The following GRIA4 variants were observed in gnomAD, a reference collection of about 807,000 sequenced individuals.
The protein encoded by GRIA4 is glutamate receptor 4.
GRIA4 carries 34 observed loss-of-function variants against 104.0 expected under a neutral mutation model. The observed-to-expected ratio is 0.33, with a 90% confidence interval of 0.25 to 0.44. GRIA4 has a LOEUF of 0.44. Ranked by LOEUF, GRIA4 falls within the 20% of genes least tolerant of loss-of-function variation. The probability of loss-of-function intolerance (pLI) is 1.00; values close to 1 mark genes in which losing one functional copy is unlikely to be tolerated. For synonymous variants in GRIA4, 386 were observed against 381.9 expected, an observed-to-expected ratio of 1.01 and a Z score of -0.13; for missense variants, 750 against 1,096.5, an observed-to-expected ratio of 0.68 and a Z score of 4.46.
At chr11:105,827,586 C>T (rs946201584) in intron 4 of GRIA4, among the ~76,000 whole-genome samples, 1 of 151,594 alleles carries the variant, frequency 6.6e-6, no homozygotes, top group African/African-American at 2.4e-5. Context: ...CTGGTACCAC[C>T]GTCATTCATA....
At chr11:105,854,437 C>G (rs1341470466) in intron 4 of GRIA4, among the ~76,000 whole-genome samples, 1 of 152,104 alleles carries the variant, frequency 6.6e-6, no homozygotes, top group African/African-American at 2.4e-5. Flanking sequence ...TGTTTGAGAG[C>G]AAGAGAGCAG....
chr11:105,924,717 C>T lies in GRIA4; in HGVS notation c.1795C>T (p.Leu599Phe). The change falls in exon 12 of 17, where the codon CTC becomes TTC. Residue 599 changes from leucine (L) to phenylalanine (F), a missense_variant. By Grantham distance (22) the Leu-to-Phe change is conservative. This residue lies in a region of GRIA4 where 272 missense variants were observed against 524.5 expected (regional missense o/e 0.52). Coordinates refer to ENST00000282499, the MANE Select transcript of GRIA4 (RefSeq NM_000829.4). ...PPNEFGIFNS[L>F]WFSLGAFMQQ... ...CAATGAGTTTGGCATCTTTAACAGCCTCTGGTTTTCCCTGGGTGCTTTTAT... is the reference window on the plus strand; with the variant it reads ...CAATGAGTTTGGCATCTTTAACAGCTTCTGGTTTTCCCTGGGTGCTTTTAT... The T allele has an allele frequency of 1.2e-6, 2 of 1,612,108 alleles. No individual in the cohort carries two copies. Among genetic ancestry groups the T allele is most frequent in the Non-Finnish European group, 1.7e-6 (2 of 1,178,640 alleles).
At chr11:105,810,078 C>T (rs1285109013) in intron 4 of GRIA4, among the ~76,000 whole-genome samples, 3 of 152,120 alleles carry the variant, frequency 2.0e-5, no homozygotes, top group Admixed American at 1.3e-4. Context: ...TTCCACTGAT[C>T]CATCACTGTT....
intron 15 of GRIA4, 123 bp from the exon 16 acceptor site, chr11:105,974,187 C>G: frequency 1.1e-6 from 1 of 929,754 alleles, no homozygotes; most frequent in Non-Finnish European, 1.7e-6. Context: ...GTGACTTATA[C>G]TTGTAAATCA....
chr11:105,615,484 A>G (rs1026993934), intron 3 of GRIA4, among the ~76,000 whole-genome samples: 3 of 151,890 alleles, frequency 2.0e-5, no homozygotes, highest in African/African-American at 7.2e-5. Flanking sequence ...AATACAGATA[A>G]TACAAAATTA....
At chr11:105,735,412 G>A (rs1317658538) in intron 3 of GRIA4, among the ~76,000 whole-genome samples, 1 of 152,104 alleles carries the variant, frequency 6.6e-6, no homozygotes, top group African/African-American at 2.4e-5. Context: ...AGACCCATTA[G>A]CAAATATCCA....
intron 3 of GRIA4, among the ~76,000 whole-genome samples, chr11:105,676,217 A>G (rs946011477): frequency 1.8e-4 from 28 of 151,774 alleles, no homozygotes; most frequent in Non-Finnish European, 3.5e-4. Flanking sequence ...GAAAATTTAT[A>G]AAGAGATTTG....
intron 4 of GRIA4, among the ~76,000 whole-genome samples, chr11:105,798,766 A>G (rs1190141983): frequency 6.6e-6 from 1 of 152,154 alleles, no homozygotes; most frequent in Admixed American, 6.6e-5. Flanking sequence ...AACCGTGCTA[A>G]GCTTTTTGAC....
At chr11:105,902,516 G>A (rs1946895979) in intron 7 of GRIA4, among the ~76,000 whole-genome samples, 1 of 151,848 alleles carries the variant, frequency 6.6e-6, no homozygotes, top group South Asian at 2.1e-4. Context: ...TGCAGTTTTT[G>A]TAGGGATGGG....
chr11:105,740,342 G>C (rs1030426006), intron 3 of GRIA4, among the ~76,000 whole-genome samples: 2 of 152,194 alleles, frequency 1.3e-5, no homozygotes, highest in Non-Finnish European at 2.9e-5. Context: ...AACTGCCAGG[G>C]TCAACTCAGC....
intron 4 of GRIA4, among the ~76,000 whole-genome samples, chr11:105,855,179 T>C (rs934059601): frequency 6.6e-6 from 1 of 152,162 alleles, no homozygotes; most frequent in African/African-American, 2.4e-5. Context: ...TTAGGGACCA[T>C]ACTACAGTCC....
At chr11:105,889,292 A>C (rs977333474) in intron 6 of GRIA4, among the ~76,000 whole-genome samples, 1 of 152,150 alleles carries the variant, frequency 6.6e-6, no homozygotes, top group African/African-American at 2.4e-5. Context: ...GAAGTAGAAA[A>C]CCATTTTTGT....
Position 105,635,935 on chromosome 11 carries a change from A to T in GRIA4, c.247+23501A>T, listed in dbSNP as rs140805757. On this transcript the variant is annotated intron_variant, in intron 3 of 16. Coordinates refer to ENST00000282499, the MANE Select transcript of GRIA4 (RefSeq NM_000829.4). ...ACTTATAGAAGATAATCTCTGTAGCACTGATAAGGAATGCTGCCAGAAAAC... is the reference window on the plus strand; with the variant it reads ...ACTTATAGAAGATAATCTCTGTAGCTCTGATAAGGAATGCTGCCAGAAAAC... 1.2e-3 allele frequency among the ~76,000 whole-genome samples: 178 copies of T among 152,346 alleles called. 1 individual carries two copies. The highest frequency in any genetic ancestry group is 4.1e-3 in the African/African-American group (172 of 41,580).
intron 4 of GRIA4, among the ~76,000 whole-genome samples, chr11:105,814,752 C>T (rs1943309637): frequency 6.6e-6 from 1 of 152,134 alleles, no homozygotes; most frequent in East Asian, 1.9e-4. Context: ...AAATGCATAG[C>T]AATTAGTATG....
chr11:105,967,623 A>G (rs1858454823), intron 14 of GRIA4, among the ~76,000 whole-genome samples: 1 of 152,138 alleles, frequency 6.6e-6, no homozygotes. Flanking sequence ...CCAAAATGTT[A>G]TAAAAAATTA....
chr11:105,688,624 T>C (rs1198843682), intron 3 of GRIA4, among the ~76,000 whole-genome samples: 1 of 152,130 alleles, frequency 6.6e-6, no homozygotes, highest in African/African-American at 2.4e-5. Context: ...ATACATACTT[T>C]CAACAATATA....
chr11:105,663,501 A>G (rs1272948706), intron 3 of GRIA4, among the ~76,000 whole-genome samples: 1 of 151,978 alleles, frequency 6.6e-6, no homozygotes, highest in Admixed American at 6.6e-5. Context: ...AAGTGCTGCA[A>G]TAGAAGTATT....
In GRIA4 at chr11:105,800,707, T is replaced by C. The variant is rs574314802; in HGVS notation, c.487+47487T>C. Among the ~76,000 whole-genome samples the C allele has an allele frequency of 3.1e-4, 47 of 152,188 alleles. 2 individuals carry two copies. In the South Asian group the frequency reaches 8.7e-3, roughly 28 times the overall value. ...TCATTTATTTCCATAGTAAGCAAACTGTCCAATCTCGTTTTAGTTTTGCAG... is the reference window on the plus strand; with the variant it reads ...TCATTTATTTCCATAGTAAGCAAACCGTCCAATCTCGTTTTAGTTTTGCAG... On this transcript the variant is annotated intron_variant, in intron 4 of 16. Coordinates refer to ENST00000282499, the MANE Select transcript of GRIA4 (RefSeq NM_000829.4).
At chr11:105,637,829 A>G (rs1951248178) in intron 3 of GRIA4, among the ~76,000 whole-genome samples, 1 of 152,196 alleles carries the variant, frequency 6.6e-6, no homozygotes, top group Non-Finnish European at 1.5e-5. Context: ...TTGAACATAA[A>G]GATTCTTAAA....
Sources: allele counts gnomAD v4.1 joint callset (sites outside exome capture counted in the v4.1 genomes callset), GRCh38; gene constraint gnomAD v4.1.1; regional missense constraint gnomAD v4.1.1; transcripts MANE v1.5; gene names NCBI Gene and HGNC (gene_info 2026-07-23, HGNC 2026-07-21).